Variants in TASP1 observed in about 807,000 individuals in gnomAD.
TASP1 encodes taspase 1.
Under a neutral mutation model 56.6 loss-of-function variants are expected in TASP1, and 16 were observed. The observed-to-expected ratio is 0.28, with a 90% confidence interval of 0.19 to 0.43. TASP1 has a LOEUF of 0.43. TASP1 is among the 20% of genes least tolerant of loss of function. The probability of loss-of-function intolerance (pLI) is 1.00; values close to 1 mark genes in which losing one functional copy is unlikely to be tolerated. For missense variants in TASP1, 393 were observed against 511.6 expected, an observed-to-expected ratio of 0.77 and a Z score of 2.24; for synonymous variants, 179 against 184.2, an observed-to-expected ratio of 0.97 and a Z score of 0.23.
At chr20:13,372,277 T>G in the TASP1 span, among the ~76,000 whole-genome samples, 1,281 of 149,226 alleles carry the variant, frequency 8.6e-3, 15 homozygotes, top group African/African-American at 0.029. Context: ...CTTGAATGAA[T>G]AAAAAGACTG....
chr20:13,512,771 T>C (rs1251968204), intron 10 of TASP1, among the ~76,000 whole-genome samples: 2 of 152,222 alleles, frequency 1.3e-5, no homozygotes, highest in Non-Finnish European at 2.9e-5. Context: ...CTTGAATTAA[T>C]TTTTGTATAA....
chr20:13,217,368 A>T, the TASP1 span, among the ~76,000 whole-genome samples: 1 of 152,202 alleles, frequency 6.6e-6, no homozygotes, highest in African/African-American at 2.4e-5. Context: ...AAAAAAAATT[A>T]AGGATTACAT....
At chr20:13,306,166 T>C in the TASP1 span, among the ~76,000 whole-genome samples, 1 of 152,210 alleles carries the variant, frequency 6.6e-6, no homozygotes, top group Non-Finnish European at 1.5e-5. Context: ...ATATTTGAAT[T>C]GGGAAAGTAA....
chr20:13,200,980 A>G, the TASP1 span, among the ~76,000 whole-genome samples: 1 of 152,250 alleles, frequency 6.6e-6, no homozygotes, highest in African/African-American at 2.4e-5. Flanking sequence ...TTAGAAGCTA[A>G]GTGGCTTCAC....
chr20:13,105,375 A>G, the TASP1 span, among the ~76,000 whole-genome samples: 1 of 152,168 alleles, frequency 6.6e-6, no homozygotes, highest in Non-Finnish European at 1.5e-5. Context: ...ATCTCCATTC[A>G]AGTCAAACAC....
intron 12 of TASP1, among the ~76,000 whole-genome samples, chr20:13,430,539 C>T (rs971810234): frequency 2.6e-5 from 4 of 152,204 alleles, no homozygotes; most frequent in Non-Finnish European, 4.4e-5. Context: ...CATGACATGG[C>T]AGTTGGTCTC....
At chr20:13,305,690 A>C in the TASP1 span, among the ~76,000 whole-genome samples, 1 of 152,144 alleles carries the variant, frequency 6.6e-6, no homozygotes, top group African/African-American at 2.4e-5. Context: ...TGTTTTTCTG[A>C]GGCTTAGTAT....
At chr20:13,604,206 G>A (rs866329710) in intron 4 of TASP1, among the ~76,000 whole-genome samples, 3 of 152,114 alleles carry the variant, frequency 2.0e-5, no homozygotes, top group Non-Finnish European at 4.4e-5. Context: ...TTCAAATCTC[G>A]TACTGAAATG....
chr20:13,518,562 C>A (rs1445461852), intron 10 of TASP1, among the ~76,000 whole-genome samples: 3 of 152,014 alleles, frequency 2.0e-5, no homozygotes, highest in Non-Finnish European at 2.9e-5. Flanking sequence ...AAGAATATAC[C>A]ACTCTTAGCC....
At chr20:13,485,569 T>C (rs1280317287) in intron 10 of TASP1, among the ~76,000 whole-genome samples, 1 of 152,198 alleles carries the variant, frequency 6.6e-6, no homozygotes, top group South Asian at 2.1e-4. Flanking sequence ...TAAATATCTC[T>C]TTGTGAATGA....
At chr20:13,228,774 T>C in the TASP1 span, among the ~76,000 whole-genome samples, 2 of 152,214 alleles carry the variant, frequency 1.3e-5, no homozygotes, top group Admixed American at 6.5e-5. Context: ...CTGTTAGAGA[T>C]TGAAACTAAC....
chr20:13,327,099 G>C, the TASP1 span, among the ~76,000 whole-genome samples: 1 of 152,108 alleles, frequency 6.6e-6, no homozygotes, highest in Non-Finnish European at 1.5e-5. Context: ...AAGCTGATAA[G>C]CAACTTCAGC....
At chr20:13,529,465 T>C (rs1026902022) in intron 9 of TASP1, among the ~76,000 whole-genome samples, 4 of 152,178 alleles carry the variant, frequency 2.6e-5, no homozygotes, top group Admixed American at 6.6e-5. Flanking sequence ...CATTACTAAA[T>C]GGTTGATAAG....
At chr20:13,262,780 C>T in the TASP1 span, among the ~76,000 whole-genome samples, 1 of 152,176 alleles carries the variant, frequency 6.6e-6, no homozygotes, top group Non-Finnish European at 1.5e-5. Context: ...AGGAGAGATA[C>T]ACAGGGATGG....
intron 4 of TASP1, among the ~76,000 whole-genome samples, chr20:13,621,669 A>AT (rs1476152499): frequency 1.3e-5 from 2 of 152,218 alleles, no homozygotes; most frequent in African/African-American, 4.8e-5. Flanking sequence ...TATTTTTATC[A>AT]TTTTTAAGTA....
chr20:13,608,063 C>G (rs2048222904), intron 4 of TASP1, among the ~76,000 whole-genome samples: 1 of 152,156 alleles, frequency 6.6e-6, no homozygotes, highest in Admixed American at 6.5e-5. Flanking sequence ...GGGGAAAAAG[C>G]TTTCGAAATG....
At chr20:13,429,449 T>C (rs2042726794) in intron 12 of TASP1, among the ~76,000 whole-genome samples, 1 of 152,078 alleles carries the variant, frequency 6.6e-6, no homozygotes, top group East Asian at 1.9e-4. Flanking sequence ...CATGAACATA[T>C]ACAATTATTA....
the TASP1 span, among the ~76,000 whole-genome samples, chr20:13,137,558 GT>G: frequency 1.3e-5 from 2 of 152,052 alleles, no homozygotes; most frequent in African/African-American, 4.8e-5. Context: ...TGAGTGTTCT[GT>G]TCCTTCATTG....
intron 10 of TASP1, among the ~76,000 whole-genome samples, chr20:13,496,951 A>G (rs1179436020): frequency 6.6e-6 from 1 of 152,222 alleles, no homozygotes; most frequent in East Asian, 1.9e-4. Flanking sequence ...AAGCAGTGGA[A>G]AAAGAATAAA....
Sources: gnomAD v4.1 joint callset for allele counts (sites outside exome capture counted in the v4.1 genomes callset) on GRCh38, gnomAD v4.1.1 for gene constraint, MANE v1.5 for transcripts, NCBI Gene and HGNC (gene_info 2026-07-23, HGNC 2026-07-21) for gene names.